The following ALG12 variants were observed in gnomAD, a reference collection of about 807,000 sequenced individuals.
ALG12 encodes dol-P-Man:Man(7)GlcNAc(2)-PP-Dol alpha-1,6-mannosyltransferase.
In ALG12, 36 loss-of-function variants were observed where a neutral mutation model predicts 46.0. The observed-to-expected ratio is 0.78, with a 90% CI of 0.60 to 1.03. The LOEUF is 1.03. Among genes scored for constraint, ALG12 ranks in the 50% least tolerant of loss-of-function variants. The pLI is 0.00. For missense variants in ALG12, 599 were observed against 633.5 expected (o/e 0.95, Z 0.58); for synonymous variants, 326 against 291.6 (o/e 1.12, Z -1.20).
the ALG12 span, among the ~76,000 whole-genome samples, chr22:49,891,780 T>A: frequency 6.6e-6 from 1 of 152,212 alleles, no homozygotes; most frequent in African/African-American, 2.4e-5. Flanking sequence ...GCAAAAGAAT[T>A]TTGAAATGCA....
chr22:49,890,326 C>T, the ALG12 span, among the ~76,000 whole-genome samples: 1 of 152,154 alleles, frequency 6.6e-6, no homozygotes, highest in South Asian at 2.1e-4. Flanking sequence ...CCAACAATGA[C>T]AACAACAAAA....
In ALG12 at chr22:49,904,342, TG is replaced by T. The variant is rs770711819; in HGVS notation, c.1156del (p.Gln386ArgfsTer75). On this transcript the variant is annotated frameshift_variant, in exon 8 of 10. Transcript: ENST00000330817. LOFTEE classifies it high-confidence loss of function. ...GCAGTGCCCCCAGCACCCACCTGTC[TG>T]GGGGGGCACCAGCTGGTGCAGCCTC... ...MQRLHQLVPP[Q>X]TDVLLHIDVA... 1.2e-6 allele frequency: 2 copies of T among 1,613,870 alleles called. No homozygotes were observed. The highest frequency in any genetic ancestry group is 1.1e-5 in the South Asian group (1 of 91,084).
At chr22:49,890,767 A>G in the ALG12 span, among the ~76,000 whole-genome samples, 2 of 152,202 alleles carry the variant, frequency 1.3e-5, no homozygotes, top group African/African-American at 4.8e-5. Flanking sequence ...CTGTAATCCC[A>G]GCACTTTGGG....
chr22:49,895,743 CATTT>C (rs906068780), downstream of ALG12, among the ~76,000 whole-genome samples: 11 of 151,806 alleles, frequency 7.2e-5, no homozygotes, highest in African/African-American at 2.7e-4. Context: ...TTACAATTAA[CATTT>C]AGTTTATTGA....
intron 1 of ALG12, among the ~76,000 whole-genome samples, chr22:49,914,442 G>A (rs1432406996): frequency 6.6e-6 from 1 of 152,160 alleles, no homozygotes; most frequent in Non-Finnish European, 1.5e-5. Context: ...AGCCATGGCC[G>A]GCTTTCCCAA....
At chr22:49,885,130 G>A in the ALG12 span, 3 of 1,612,824 alleles carry the variant, frequency 1.9e-6, no homozygotes, top group South Asian at 3.3e-5. Context: ...GGGGAAGAAG[G>A]GTGATGTGGG....
chr22:49,882,747 G>C, the ALG12 span, among the ~76,000 whole-genome samples: 7 of 151,188 alleles, frequency 4.6e-5, no homozygotes, highest in Non-Finnish European at 1.0e-4. Flanking sequence ...CCAGCACGGC[G>C]CAGCATCACT....
chr22:49,892,284 A>G, the ALG12 span, among the ~76,000 whole-genome samples: 8 of 151,920 alleles, frequency 5.3e-5, no homozygotes, highest in African/African-American at 1.9e-4. Context: ...TGAGACTTGC[A>G]TAAAGGTGAG....
At position 49,913,697 on chromosome 22, in the gene ALG12, G is replaced by A. The variant is rs773214172; in HGVS notation, c.69C>T (p.Val23=). Residue 23 remains valine (V), a synonymous_variant, in exon 2 of 10, where the codon GTC becomes GTT. Transcript: ENST00000330817. Reference sequence around the variant, plus strand: ...TGGTGTAGGGACAGATGACCAGGTGGACAGTGGCTACGGCCACCAGCAGCC... The same window carrying A: ...TGGTGTAGGGACAGATGACCAGGTGAACAGTGGCTACGGCCACCAGCAGCC... ...LLGLLVAVAT[V]HLVICPYTKV... The A allele has an allele frequency of 6.2e-7, 1 of 1,613,990 alleles. No individual in the cohort carries two copies. The highest frequency in any genetic ancestry group is 8.5e-7 in the Non-Finnish European group (1 of 1,180,022).
intron 3 of ALG12, among the ~76,000 whole-genome samples, chr22:49,912,025 G>A (rs1209328319): frequency 6.6e-6 from 1 of 151,386 alleles, no homozygotes; most frequent in Non-Finnish European, 1.5e-5. Flanking sequence ...TCGGCCACGG[G>A]ATCACCCTCG....
rs111244256 is a variant in ALG12 at position 49,917,705 on chromosome 22, C to CTTT, written c.-79+555_-79+557dup. ...AAGAAACTGGTCAAATCAGATGTTA[C>CTTT]TTTTTTTTTTTTTAAATGTGCAGTG... On this transcript the variant is annotated intron_variant, in intron 1 of 9. Transcript: ENST00000330817. 2.9e-3 allele frequency among the ~76,000 whole-genome samples: 417 copies of CTTT among 143,350 alleles called. 1 individual carries two copies. The highest frequency in any genetic ancestry group is 4.5e-3 in the Non-Finnish European group (294 of 65,676). 94.0% of individuals were successfully genotyped at this position (143,350 alleles called of 152,430 possible). A position where few individuals can be genotyped will look rare whatever the true frequency, so the allele number is the denominator to read the frequency against.
the ALG12 span, among the ~76,000 whole-genome samples, chr22:49,878,427 G>A: frequency 3.8e-3 from 572 of 151,908 alleles, 4 homozygotes; most frequent in African/African-American, 0.013. Flanking sequence ...TTGGTGGAGC[G>A]ATAGAGAATC....
chr22:49,912,273 G>A (rs767093116), intron 3 of ALG12, among the ~76,000 whole-genome samples: 2 of 152,222 alleles, frequency 1.3e-5, no homozygotes, highest in Non-Finnish European at 1.5e-5. Context: ...AGGACACAGG[G>A]TGGGCTCCCG....
chr22:49,903,437 C>T lies in ALG12; in HGVS notation c.*401G>A, dbSNP rs1383025786. On this transcript the variant is annotated 3_prime_UTR_variant, in exon 10 of 10. Transcript: ENST00000330817. ...CCCCAAGAGGCCCTCGGGCAGCAAG[C>T]GTGGGGTGCTGCCAAAATACAGCTC... 5 of 464,556 alleles carry T rather than the reference C, an allele frequency of 1.1e-5. No individual in the cohort carries two copies. Among genetic ancestry groups the T allele is most frequent in the Admixed American group, 4.7e-5 (2 of 42,690 alleles). 28.8% of individuals were successfully genotyped at this position (464,556 alleles called of 1,614,324 possible).
chr22:49,864,979 C>T, the ALG12 span, among the ~76,000 whole-genome samples: 2 of 134,846 alleles, frequency 1.5e-5, no homozygotes, highest in South Asian at 5.2e-4. Context: ...CGGAGTCCAG[C>T]TATTGTGCTG....
intron 3 of ALG12, among the ~76,000 whole-genome samples, chr22:49,913,108 C>T (rs1265619706): frequency 1.3e-5 from 2 of 152,324 alleles, no homozygotes; most frequent in African/African-American, 4.8e-5. Context: ...GAGCAGCAGG[C>T]TCAGGTGGCG....
chr22:49,870,598 C>T, the ALG12 span, among the ~76,000 whole-genome samples: 2 of 152,006 alleles, frequency 1.3e-5, no homozygotes, highest in Non-Finnish European at 2.9e-5. Context: ...CATTTTTTCA[C>T]GTCTGTTGGC....
Position 49,902,073 on chromosome 22 carries a change from T to C in ALG12, c.*1765A>G, listed in dbSNP as rs1262345380. The stretch of plus-strand genomic sequence containing the variant: ...ACGTACACGTGTGCACTGTGTGTGG[T>C]GTGCATGCATGGTGTGTGCACGTGT... On this transcript the variant is annotated 3_prime_UTR_variant, in exon 10 of 10. Coordinates refer to ENST00000330817, the MANE Select transcript of ALG12 (RefSeq NM_024105.4). The C allele has an allele frequency of 7.2e-6, 1 of 138,630 alleles. No homozygotes were observed. The highest frequency in any genetic ancestry group is 1.5e-5 in the Non-Finnish European group (1 of 65,160). The allele number at this position is 138,630 out of a possible 1,614,324, so 8.6% of individuals were successfully genotyped here.
At chr22:49,878,165 C>G in the ALG12 span, among the ~76,000 whole-genome samples, 2 of 152,032 alleles carry the variant, frequency 1.3e-5, no homozygotes, top group African/African-American at 4.8e-5. Flanking sequence ...ATTAGCCAGA[C>G]GTGGTGACAG....
Sources: gnomAD v4.1 joint callset for allele counts (sites outside exome capture counted in the v4.1 genomes callset) on GRCh38, gnomAD v4.1.1 for gene constraint, MANE v1.5 for transcripts, NCBI Gene and HGNC (gene_info 2026-07-23, HGNC 2026-07-21) for gene names.